Variants in ZFAND6 observed in about 807,000 individuals in gnomAD.
The protein encoded by ZFAND6 is zinc finger AN1-type containing 6.
Under a neutral mutation model 24.5 loss-of-function variants are expected in ZFAND6, and 12 were observed. The ratio of observed to expected loss-of-function variants is 0.49; its 90% CI spans 0.31 to 0.79. The LOEUF (loss-of-function observed/expected upper bound fraction) is 0.79, where lower values mean the gene tolerates loss of function less well. Ranked by LOEUF, ZFAND6 falls within the 30% of genes least tolerant of loss-of-function variation. ZFAND6 has a pLI of 0.04. For synonymous variants in ZFAND6, 92 were observed against 81.5 expected (o/e 1.13, Z -0.69); for missense variants, 207 against 245.9 (o/e 0.84, Z 1.06).
intron 1 of ZFAND6, among the ~76,000 whole-genome samples, chr15:80,088,884 T>C (rs34077195): frequency 0.036 from 5,423 of 152,274 alleles, 154 homozygotes; most frequent in South Asian, 0.14. Context: ...CTACTTAATA[T>C]ATTGGGTAGC....
intron 2 of ZFAND6, among the ~76,000 whole-genome samples, chr15:80,107,510 C>T (rs148028837): frequency 2.9e-4 from 44 of 152,164 alleles, no homozygotes; most frequent in Admixed American, 7.8e-4. Flanking sequence ...GTGAATAAGA[C>T]GAATAACAAG....
rs973290683 is a variant in ZFAND6, at chr15:80,060,146, C to G, written c.-181+337C>G. The G allele has an allele frequency of 2.6e-5, 4 of 151,980 alleles. No homozygotes were observed. The East Asian group carries it at 7.8e-4, about 30-fold the overall frequency. 9.4% of individuals were successfully genotyped at this position (151,980 alleles called of 1,614,324 possible). A position where few individuals can be genotyped will look rare whatever the true frequency, so the allele number is the denominator to read the frequency against. ...TTCTTCAGGGCCGCGGAGGCCGCGA[C>G]GCGCGCCGCCCCGAGCGGGTTGCGA... On this transcript the variant is annotated intron_variant, in intron 1 of 6. Coordinates refer to ENST00000261749, the MANE Select transcript of ZFAND6 (RefSeq NM_019006.4).
At chr15:80,068,062 A>G (rs1229468130) in intron 1 of ZFAND6, among the ~76,000 whole-genome samples, 1 of 150,988 alleles carries the variant, frequency 6.6e-6, no homozygotes, top group Non-Finnish European at 1.5e-5. Context: ...CCTGGGTTCA[A>G]GTGATTCTCC....
intron 2 of ZFAND6, among the ~76,000 whole-genome samples, chr15:80,113,362 T>A (rs576727364): frequency 1.3e-5 from 2 of 152,278 alleles, no homozygotes; most frequent in South Asian, 4.1e-4. Flanking sequence ...AGCAACTAAT[T>A]TTTTTAAAAA....
intron 2 of ZFAND6, among the ~76,000 whole-genome samples, chr15:80,117,128 G>A (rs1339399211): frequency 6.6e-6 from 1 of 152,064 alleles, no homozygotes; most frequent in Non-Finnish European, 1.5e-5. Flanking sequence ...GCTTGTCAAG[G>A]TTTTTTTCAC....
At chr15:80,093,909 A>G (rs2038549346) in intron 1 of ZFAND6, among the ~76,000 whole-genome samples, 1 of 152,204 alleles carries the variant, frequency 6.6e-6, no homozygotes, top group Non-Finnish European at 1.5e-5. Flanking sequence ...GGAGGTAGAC[A>G]TTCACCTGAC....
intron 5 of ZFAND6, chr15:80,130,577 C>G (rs555704846): frequency 6.6e-6 from 1 of 152,094 alleles, no homozygotes; most frequent in African/African-American, 2.4e-5. Context: ...TAATTTAACC[C>G]GAATCTTGGT....
chr15:80,087,314 A>G (rs1053776528), intron 1 of ZFAND6, among the ~76,000 whole-genome samples: 1 of 152,170 alleles, frequency 6.6e-6, no homozygotes, highest in Non-Finnish European at 1.5e-5. Context: ...CCCTCATCAA[A>G]AATCGGTGTG....
At chr15:80,064,676 T>C (rs2141781015) in intron 1 of ZFAND6, among the ~76,000 whole-genome samples, 1 of 152,270 alleles carries the variant, frequency 6.6e-6, no homozygotes, top group Admixed American at 6.5e-5. Context: ...GGTCTTGCTC[T>C]ATCACCCAGG....
chr15:80,070,772 C>G (rs367590938), intron 1 of ZFAND6, among the ~76,000 whole-genome samples: 4 of 151,830 alleles, frequency 2.6e-5, no homozygotes, highest in East Asian at 3.8e-4. Context: ...TTATGCTTGC[C>G]AGATTTTAAG....
At chr15:80,133,894 T>TATGA (rs1169704600) in intron 6 of ZFAND6, among the ~76,000 whole-genome samples, 3 of 152,084 alleles carry the variant, frequency 2.0e-5, no homozygotes, top group African/African-American at 7.2e-5. Flanking sequence ...GCTTAAACAA[T>TATGA]ATGAACCCTT....
chr15:80,122,844 A>G, intron 5 of ZFAND6, 44 bp downstream of exon 5: 4 of 1,500,590 alleles, frequency 2.7e-6, no homozygotes, highest in Non-Finnish European at 3.7e-6. Flanking sequence ...TGAGTATTAT[A>G]GGCCAGACAC....
chr15:80,098,266 A>G (rs1449440115), intron 1 of ZFAND6, 150 bp from the exon 2 acceptor site: 1 of 152,338 alleles, frequency 6.6e-6, no homozygotes, highest in East Asian at 1.9e-4. Context: ...GTCAAATACC[A>G]ATTGGAATGT....
At chr15:80,117,895 A>C (rs188074936) in intron 2 of ZFAND6, among the ~76,000 whole-genome samples, 2 of 152,170 alleles carry the variant, frequency 1.3e-5, no homozygotes, top group Non-Finnish European at 1.5e-5. Context: ...GAAAAAGGCA[A>C]ATAACTCACT....
chr15:80,128,888 T>G (rs1192167083), intron 5 of ZFAND6, among the ~76,000 whole-genome samples: 1 of 152,238 alleles, frequency 6.6e-6, no homozygotes, highest in African/African-American at 2.4e-5. Flanking sequence ...AGATGTATTT[T>G]CACTCTTCTC....
intron 1 of ZFAND6, among the ~76,000 whole-genome samples, chr15:80,072,381 G>A (rs776927245): frequency 1.3e-5 from 2 of 152,076 alleles, no homozygotes; most frequent in Non-Finnish European, 2.9e-5. Context: ...GAAACCTTAT[G>A]TACTGTTTCT....
intron 4 of ZFAND6, 79 bp from the exon 5 acceptor site, chr15:80,122,621 T>C: frequency 1.1e-6 from 1 of 884,410 alleles, no homozygotes; most frequent in South Asian, 1.4e-5. Context: ...CTTAGATATG[T>C]TGAACTCTTA....
intron 1 of ZFAND6, among the ~76,000 whole-genome samples, chr15:80,079,828 G>A (rs555684081): frequency 1.5e-4 from 23 of 149,858 alleles, no homozygotes; most frequent in Middle Eastern, 3.6e-3. Context: ...CTAATTTTTT[G>A]TATTTTTAGT....
rs180700404 is a variant in ZFAND6 at position 80,078,114 on chromosome 15, A to T, written c.-181+18305A>T. ...CATGTGTAGGTTTGTTACATGGGTA[A>T]ATTGCATGTCACTGTGGTTTGATGT... On this transcript the variant is annotated intron_variant, in intron 1 of 6. Coordinates refer to ENST00000261749, the MANE Select transcript of ZFAND6 (RefSeq NM_019006.4). Among the ~76,000 whole-genome samples the T allele has an allele frequency of 1.3e-3, 196 of 152,180 alleles. 2 individuals are homozygous for T. The highest frequency in any genetic ancestry group is 3.4e-3 in the Middle Eastern group (1 of 294).
Sources: gnomAD v4.1 joint callset for allele counts (sites outside exome capture counted in the v4.1 genomes callset) on GRCh38, gnomAD v4.1.1 for gene constraint, MANE v1.5 for transcripts, NCBI Gene and HGNC (gene_info 2026-07-23, HGNC 2026-07-21) for gene names.